The following CDKAL1 variants were observed in gnomAD, a reference collection of about 807,000 sequenced individuals.
The protein encoded by CDKAL1 is CDKAL1 threonylcarbamoyladenosine tRNA methylthiotransferase, also known as threonylcarbamoyladenosine tRNA methylthiotransferase.
In CDKAL1, 32 loss-of-function variants were observed where a neutral mutation model predicts 68.2. The ratio of observed to expected loss-of-function variants is 0.47; its 90% CI spans 0.35 to 0.63. The LOEUF is 0.63. CDKAL1 is among the 30% of genes least tolerant of loss of function. The pLI is 0.00. For synonymous variants in CDKAL1, 234 were observed against 244.3 expected, an observed-to-expected ratio of 0.96 and a Z score of 0.39; for missense variants, 606 against 696.7, an observed-to-expected ratio of 0.87 and a Z score of 1.47.
At chr6:20,549,635 G>T (rs1045158190) in intron 4 of CDKAL1, among the ~76,000 whole-genome samples, 3 of 150,934 alleles carry the variant, frequency 2.0e-5, no homozygotes, top group African/African-American at 7.3e-5. Context: ...TTGAGATGGG[G>T]TCTCTTTGTG....
At chr6:20,552,554 A>C (rs970922277) in intron 4 of CDKAL1, among the ~76,000 whole-genome samples, 6 of 152,044 alleles carry the variant, frequency 3.9e-5, no homozygotes, top group Non-Finnish European at 8.8e-5. Flanking sequence ...TTACACACCT[A>C]ATTTTGTTTC....
At chr6:20,905,775 G>A (rs1480982862) in intron 9 of CDKAL1, among the ~76,000 whole-genome samples, 1 of 151,920 alleles carries the variant, frequency 6.6e-6, no homozygotes, top group Non-Finnish European at 1.5e-5. Context: ...GAAGCCAGTG[G>A]GCCAACATAA....
At chr6:21,059,595 C>G (rs1267174957) in intron 11 of CDKAL1, among the ~76,000 whole-genome samples, 1 of 152,138 alleles carries the variant, frequency 6.6e-6, no homozygotes, top group African/African-American at 2.4e-5. Flanking sequence ...CTCCGCCCTG[C>G]TTTTCCTCAC....
rs369428868 is a variant in CDKAL1, at chr6:21,116,031, G to A, written c.1299+7568G>A. ...GGCATTTTTCTCATTTTTAACCCTC[G>A]TCAGCTTGTGATTTGAGTAGCAGAT... On this transcript the variant is annotated intron_variant, in intron 13 of 15. Coordinates refer to ENST00000274695, the MANE Select transcript of CDKAL1 (RefSeq NM_017774.3). Among the ~76,000 whole-genome samples the A allele has an allele frequency of 5.9e-5, 9 of 152,130 alleles. 1 individual carries two copies. The highest frequency in any genetic ancestry group is 3.4e-3 in the Middle Eastern group (1 of 294).
intron 9 of CDKAL1, among the ~76,000 whole-genome samples, chr6:20,878,033 G>A (rs1760616292): frequency 6.6e-6 from 1 of 152,150 alleles, no homozygotes; most frequent in Non-Finnish European, 1.5e-5. Flanking sequence ...TACCACATTA[G>A]TTTTGAAACT....
chr6:20,972,001 A>T (rs1417150972), intron 10 of CDKAL1, among the ~76,000 whole-genome samples: 1 of 152,176 alleles, frequency 6.6e-6, no homozygotes, highest in Admixed American at 6.6e-5. Context: ...TGACAGTGGC[A>T]TATCATTTCT....
At chr6:20,866,780 C>T (rs1489357246) in intron 9 of CDKAL1, among the ~76,000 whole-genome samples, 2 of 152,090 alleles carry the variant, frequency 1.3e-5, no homozygotes, top group Admixed American at 1.3e-4. Context: ...AGCATCAGGA[C>T]GGTTTTGCTA....
chr6:21,185,827 A>G (rs959703674), intron 13 of CDKAL1, among the ~76,000 whole-genome samples: 1 of 152,188 alleles, frequency 6.6e-6, no homozygotes, highest in African/African-American at 2.4e-5. Flanking sequence ...AGTAGTATTC[A>G]TTTTTTAGGT....
chr6:20,763,675 G>A (rs933913844), intron 7 of CDKAL1, among the ~76,000 whole-genome samples: 11 of 152,118 alleles, frequency 7.2e-5, no homozygotes, highest in Non-Finnish European at 1.5e-4. Flanking sequence ...TCTTATTGCT[G>A]CTTATGTTAC....
chr6:20,634,374 T>A (rs1767804684), intron 4 of CDKAL1, among the ~76,000 whole-genome samples: 1 of 152,214 alleles, frequency 6.6e-6, no homozygotes, highest in Non-Finnish European at 1.5e-5. Context: ...TCAAAATAAA[T>A]GTTTAACTAG....
rs2446483 is a variant in CDKAL1 at position 21,150,537 on chromosome 6, C to T, written c.1299+42074C>T. 2.3e-3 allele frequency among the ~76,000 whole-genome samples: 347 copies of T among 152,276 alleles called. 2 individuals are homozygous for T. The highest frequency in any genetic ancestry group is 7.8e-3 in the African/African-American group (326 of 41,540). Reference sequence around the variant, plus strand: ...TTGGGGCAATGAAGGCAAATATAGCCAAAGCCTCCATAAAACTTGCTTTAA... The same window carrying T: ...TTGGGGCAATGAAGGCAAATATAGCTAAAGCCTCCATAAAACTTGCTTTAA... On this transcript the variant is annotated intron_variant, in intron 13 of 15. Transcript: ENST00000274695.
At chr6:20,975,719 T>G (rs1184332977) in intron 10 of CDKAL1, among the ~76,000 whole-genome samples, 1 of 152,212 alleles carries the variant, frequency 6.6e-6, no homozygotes, top group Non-Finnish European at 1.5e-5. Context: ...ACAAAATGAA[T>G]GCTTCCCACG....
At chr6:20,573,798 A>G (rs890272667) in intron 4 of CDKAL1, among the ~76,000 whole-genome samples, 7 of 152,196 alleles carry the variant, frequency 4.6e-5, no homozygotes, top group African/African-American at 4.8e-5. Flanking sequence ...TATTGTTCCT[A>G]TTGAATAAGG....
intron 11 of CDKAL1, among the ~76,000 whole-genome samples, chr6:21,020,765 C>G (rs892914943): frequency 6.8e-6 from 1 of 146,538 alleles, no homozygotes; most frequent in Non-Finnish European, 1.5e-5. Context: ...CCGTGCCTGG[C>G]CTTTTTTCCT....
intron 10 of CDKAL1, among the ~76,000 whole-genome samples, chr6:20,998,447 A>G (rs542636659): frequency 6.6e-6 from 1 of 152,052 alleles, no homozygotes; most frequent in African/African-American, 2.4e-5. Flanking sequence ...CCCCATCTCT[A>G]CTAAAACCAC....
intron 9 of CDKAL1, among the ~76,000 whole-genome samples, chr6:20,846,827 A>G (rs750910252): frequency 3.3e-5 from 5 of 152,238 alleles, no homozygotes; most frequent in Non-Finnish European, 5.9e-5. Flanking sequence ...TTGTGTGGAC[A>G]TATAACTGCT....
chr6:21,180,897 A>G (rs1474479579), intron 13 of CDKAL1, among the ~76,000 whole-genome samples: 1 of 152,178 alleles, frequency 6.6e-6, no homozygotes, highest in African/African-American at 2.4e-5. Context: ...TTCTGCTGCT[A>G]TAACAGAATA....
intron 13 of CDKAL1, among the ~76,000 whole-genome samples, chr6:21,159,172 T>A (rs886154680): frequency 1.1e-4 from 17 of 151,886 alleles, no homozygotes; most frequent in Admixed American, 3.3e-4. Flanking sequence ...TTCTATAGTA[T>A]TCTTGAAAAA....
chr6:20,847,129 G>A (rs1052648019), intron 9 of CDKAL1, among the ~76,000 whole-genome samples: 1 of 152,038 alleles, frequency 6.6e-6, no homozygotes, highest in Non-Finnish European at 1.5e-5. Context: ...CTCCTTGTTT[G>A]ATTTATTGAT....
Sources: gnomAD v4.1 joint callset for allele counts (sites outside exome capture counted in the v4.1 genomes callset) on GRCh38, gnomAD v4.1.1 for gene constraint, MANE v1.5 for transcripts, NCBI Gene and HGNC (gene_info 2026-07-23, HGNC 2026-07-21) for gene names.